ANK3: variants seen among roughly 807,000 people sequenced by gnomAD.
The protein encoded by ANK3 is ankyrin-3.
A neutral mutation model predicts 370.9 loss-of-function variants in ANK3; 57 were observed. That is an observed-to-expected ratio of 0.15 (90% confidence interval 0.12 to 0.19). The LOEUF is 0.19. ANK3 is among the 10% of genes least tolerant of loss of function. ANK3 has a pLI of 1.00. For synonymous variants in ANK3, 1,929 were observed against 1,946.3 expected, an observed-to-expected ratio of 0.99 and a Z score of 0.23; for missense variants, 4,439 against 5,302.1, an observed-to-expected ratio of 0.84 and a Z score of 5.06.
intron 2 of ANK3, among the ~76,000 whole-genome samples, chr10:60,597,556 T>C (rs768368812): frequency 1.3e-5 from 2 of 152,300 alleles, no homozygotes; most frequent in South Asian, 2.1e-4. Flanking sequence ...ATGAGTGCTG[T>C]CATTTCCCGC....
At chr10:60,580,279 T>C (rs531025275) in intron 2 of ANK3, among the ~76,000 whole-genome samples, 50 of 152,230 alleles carry the variant, frequency 3.3e-4, no homozygotes, top group Non-Finnish European at 6.9e-4. Flanking sequence ...ACACAGCCTC[T>C]ATTCTAAATC....
chr10:60,542,815 C>T lies in ANK3; in HGVS notation c.96+72371G>A, dbSNP rs542437925. ...TAATTCAAGCTGTTGAGAGCCCACT[C>T]GGCGCAGGTTGAGGTTTGAACCATT... is the stretch of plus-strand genomic sequence containing the variant. On this transcript the variant is annotated intron_variant, in intron 2 of 43. Transcript: ENST00000373827. 2.4e-4 allele frequency among the ~76,000 whole-genome samples: 37 copies of T among 151,964 alleles called. No individual in the cohort carries two copies. In the South Asian group the frequency reaches 6.4e-3, roughly 26 times the overall value.
At chr10:60,530,123 G>A (rs1161463803) in intron 2 of ANK3, among the ~76,000 whole-genome samples, 1 of 152,138 alleles carries the variant, frequency 6.6e-6, no homozygotes, top group Non-Finnish European at 1.5e-5. Context: ...CAAGACAGAA[G>A]CCAATCTTGG....
In ANK3 at chr10:60,074,467, A is replaced by G. The variant is rs777835764; in HGVS notation, c.6414T>C (p.Pro2138=). The part of the protein sequence containing the change: ...SGFETRSEKT[P]SAPQSAESTG... The stretch of plus-strand genomic sequence containing the variant: ...TGCTTTCAGCGCTTTGTGGGGCTGA[A>G]GGTGTCTTTTCACTTCTTGTTTCAA... The change falls in exon 37 of 44, where the codon CCT becomes CCC. Residue 2138 remains proline (P), a synonymous_variant. Transcript: ENST00000280772. 2.5e-6 allele frequency: 4 copies of G among 1,614,034 alleles called. No individual in the cohort carries two copies. In the South Asian group the frequency reaches 4.4e-5, roughly 18 times the overall value.
At chr10:60,583,669 C>T (rs1256573746) in intron 2 of ANK3, among the ~76,000 whole-genome samples, 4 of 151,786 alleles carry the variant, frequency 2.6e-5, no homozygotes, top group African/African-American at 9.7e-5. Context: ...CTGCAACCTC[C>T]GCCTCCGGGT....
At chr10:60,699,133 G>A (rs1478082634) in intron 1 of ANK3, among the ~76,000 whole-genome samples, 1 of 151,466 alleles carries the variant, frequency 6.6e-6, no homozygotes, top group Non-Finnish European at 1.5e-5. Flanking sequence ...TGAGGGGAAG[G>A]GTGGGAGGGG....
In ANK3 at chr10:60,073,676, G is replaced by A. The variant is rs757102244; in HGVS notation, c.7205C>T (p.Ser2402Leu). 11 of 1,614,028 alleles carry A rather than the reference G, an allele frequency of 6.8e-6. No homozygotes were observed. The East Asian group carries it at 1.8e-4, about 26-fold the overall frequency. ...QEEEELTAEESLPSYLESSRV... is the reference protein window; with the variant it reads ...QEEEELTAEELLPSYLESSRV... ...GGAAGACTCCAGATAAGAAGGCAATGACTCTTCAGCAGTAAGTTCTTCTTC... is the reference window on the plus strand; with the variant it reads ...GGAAGACTCCAGATAAGAAGGCAATAACTCTTCAGCAGTAAGTTCTTCTTC... The change falls in exon 37 of 44, where the codon TCA becomes TTA. Residue 2402 changes from serine (S) to leucine (L), a missense_variant. By Grantham distance (145) the Ser-to-Leu change is moderately radical. Transcript: ENST00000280772.
rs1362766729 is a variant in ANK3 at position 60,685,602 on chromosome 10, T to C, written c.57+47661A>G. Reference sequence around the variant, plus strand: ...CGCTCATGAAGAGAAGGCTGGCAAATCTTCAGCTAATCTAAAAAACATTGG... The same window carrying C: ...CGCTCATGAAGAGAAGGCTGGCAAACCTTCAGCTAATCTAAAAAACATTGG... On this transcript the variant is annotated intron_variant, in intron 1 of 43. Coordinates refer to the ANK3 transcript ENST00000373827. Among the ~76,000 whole-genome samples the C allele has an allele frequency of 3.3e-5, 5 of 152,170 alleles. No homozygotes were observed. The East Asian group carries it at 7.7e-4, about 23-fold the overall frequency.
At chr10:60,238,209 T>C (rs1363619725) in intron 7 of ANK3, among the ~76,000 whole-genome samples, 1 of 152,180 alleles carries the variant, frequency 6.6e-6, no homozygotes, top group Non-Finnish European at 1.5e-5. Context: ...TGCCCTACTA[T>C]GAGTAACGCT....
In ANK3 at chr10:60,049,384, C is replaced by T. The variant is rs374074927; in HGVS notation, c.13065+6274G>A. 1.8e-3 allele frequency among the ~76,000 whole-genome samples: 278 copies of T among 152,248 alleles called. 1 individual carries two copies. The highest frequency in any genetic ancestry group is 6.3e-3 in the African/African-American group (260 of 41,552). On this transcript the variant is annotated intron_variant, in intron 42 of 43. Coordinates refer to ENST00000280772, the MANE Select transcript of ANK3 (RefSeq NM_020987.5). ...TGGGCAGATCACAAGGTCAAGAGAT[C>T]GAGACCATCATGGCCAACATGGTGA...
chr10:60,720,717 G>A (rs10821831), intron 1 of ANK3, among the ~76,000 whole-genome samples: 102,330 of 151,974 alleles, frequency 0.67, 34,567 homozygotes, highest in South Asian at 0.83. Flanking sequence ...GGCTCAAGCG[G>A]TCCTCCCACC....
intron 17 of ANK3, among the ~76,000 whole-genome samples, chr10:60,183,858 C>CA (rs35653342): frequency 0.014 from 1,513 of 110,152 alleles, 17 homozygotes; most frequent in African/African-American, 0.05. Flanking sequence ...AATTCTGTCT[C>CA]AAAAAAAAAA....
intron 18 of ANK3, among the ~76,000 whole-genome samples, chr10:60,180,817 T>G (rs1318466241): frequency 6.6e-6 from 1 of 150,782 alleles, no homozygotes; most frequent in Non-Finnish European, 1.5e-5. Context: ...TTTTTTTTTC[T>G]TTTTGAAATG....
At chr10:60,491,499 A>T (rs2075503706) in intron 2 of ANK3, among the ~76,000 whole-genome samples, 2 of 152,198 alleles carry the variant, frequency 1.3e-5, no homozygotes. Flanking sequence ...ATACTTTACC[A>T]ATCATTCTTT....
At chr10:60,238,442 G>A (rs2097367734) in intron 7 of ANK3, among the ~76,000 whole-genome samples, 1 of 152,058 alleles carries the variant, frequency 6.6e-6, no homozygotes, top group East Asian at 1.9e-4. Flanking sequence ...TGGCTGCTGT[G>A]GTGGAAAGGG....
chr10:60,432,377 G>C (rs2064046787), intron 2 of ANK3, among the ~76,000 whole-genome samples: 1 of 152,142 alleles, frequency 6.6e-6, no homozygotes, highest in Non-Finnish European at 1.5e-5. Flanking sequence ...CTTTTAGAGA[G>C]TTCACACAAA....
At chr10:60,287,077 C>A (rs982123915) in intron 1 of ANK3, among the ~76,000 whole-genome samples, 2 of 152,100 alleles carry the variant, frequency 1.3e-5, no homozygotes, top group African/African-American at 4.8e-5. Context: ...TGGGGGCTCA[C>A]CATTTGGAGC....
chr10:60,491,220 A>G (rs1251512748), intron 2 of ANK3, among the ~76,000 whole-genome samples: 1 of 152,192 alleles, frequency 6.6e-6, no homozygotes, highest in East Asian at 1.9e-4. Flanking sequence ...TAATATGACT[A>G]AGGTTAAAAT....
chr10:60,137,919 G>T (rs1356564486), intron 24 of ANK3, among the ~76,000 whole-genome samples: 3 of 152,002 alleles, frequency 2.0e-5, no homozygotes, highest in Non-Finnish European at 4.4e-5. Context: ...ATCTTTGATC[G>T]CCTAAAAGAT....
Sources: allele counts gnomAD v4.1 joint callset (sites outside exome capture counted in the v4.1 genomes callset), GRCh38; gene constraint gnomAD v4.1.1; transcripts MANE v1.5; gene names NCBI Gene and HGNC (gene_info 2026-07-23, HGNC 2026-07-21).